The following ILDR1 variants were observed in gnomAD, a reference collection of about 807,000 sequenced individuals.
The protein encoded by ILDR1 is immunoglobulin-like domain-containing receptor 1.
A neutral mutation model predicts 62.4 loss-of-function variants in ILDR1; 56 were observed. The ratio of observed to expected loss-of-function variants is 0.90; its 90% CI spans 0.72 to 1.12. The LOEUF (loss-of-function observed/expected upper bound fraction) is 1.12. Among genes scored for constraint, ILDR1 ranks in the 50% most tolerant of loss-of-function variants. The pLI is 0.00. For synonymous variants in ILDR1, 284 were observed against 277.8 expected (o/e 1.02, Z -0.22); for missense variants, 736 against 710.6 (o/e 1.04, Z -0.41).
intron 1 of ILDR1, among the ~76,000 whole-genome samples, chr3:122,011,126 C>T (rs183211897): frequency 5.3e-5 from 8 of 152,276 alleles, no homozygotes; most frequent in Admixed American, 5.2e-4. Flanking sequence ...CTGGTGCAGT[C>T]ACTCTGACAC....
intron 1 of ILDR1, among the ~76,000 whole-genome samples, chr3:122,018,534 AAAACAAAC>A (rs1168969360): frequency 3.3e-5 from 5 of 152,146 alleles, no homozygotes; most frequent in African/African-American, 4.8e-5. Flanking sequence ...CAGTATAATT[AAAACAAAC>A]AAACAAACAA....
Position 122,005,368 on chromosome 3 carries a change from G to A in ILDR1, c.255C>T (p.Gly85=), listed in dbSNP as rs1553744679. Reference sequence around the variant, plus strand: ...CGTTGCAGTCATTGGATGGGTCCTGGCCCAGGGATAAAGCTGCCTGGTATG... The same window carrying A: ...CGTTGCAGTCATTGGATGGGTCCTGACCCAGGGATAAAGCTGCCTGGTATG... ...SASYQAALSL[G]QDPSNDCNDN... Residue 85 remains glycine (G), a synonymous_variant, in exon 3 of 8, where the codon GGC becomes GGT. Coordinates refer to ENST00000344209, the MANE Select transcript of ILDR1 (RefSeq NM_001199799.2). 4.3e-6 allele frequency: 7 copies of A among 1,614,178 alleles called. No homozygotes were observed. The highest frequency in any genetic ancestry group is 5.9e-6 in the Non-Finnish European group (7 of 1,180,034).
Position 121,994,188 on chromosome 3 carries a change from G to A in ILDR1, c.772C>T (p.Gln258Ter), listed in dbSNP as rs142746163. 1.8e-4 allele frequency: 269 copies of A among 1,536,100 alleles called. 2 individuals carry two copies. In the East Asian group the frequency reaches 5.7e-3, roughly 33 times the overall value. Residue 258 changes from glutamine to a stop codon, truncating the protein, a stop_gained, in exon 6 of 8, where the codon CAG (glutamine) becomes TAG (stop). Transcript: ENST00000344209. LOFTEE classifies it high-confidence loss of function. ...AATCTCTGGAAGAGTTTACCTCGCT[G>A]CAGCAGCGGGTGCATTGGATAAGAT... Reference protein sequence around the residue: ...VSSYPMHPLLQRDLSLPSSLP... With the variant: ...VSSYPMHPLL
intron 1 of ILDR1, among the ~76,000 whole-genome samples, chr3:122,010,698 T>C (rs532704167): frequency 1.3e-5 from 2 of 152,318 alleles, no homozygotes; most frequent in South Asian, 2.1e-4. Flanking sequence ...ATCTGAATAG[T>C]AGAAGCAGCC....
In ILDR1 at chr3:122,006,977, G is replaced by A. The variant is rs768815404; in HGVS notation, c.229+14C>T. 6.2e-7 allele frequency: 1 copy of A among 1,609,658 alleles called. No individual in the cohort carries two copies. The highest frequency in any genetic ancestry group is 1.3e-5 in the African/African-American group (1 of 74,800). ...CTGGGACCCACAGAGGGCCAAGGGG[G>A]TAAGGATACTCACACGCTGAGTAGT... On this transcript the variant is annotated intron_variant, in intron 2 of 7. Coordinates refer to ENST00000344209, the MANE Select transcript of ILDR1 (RefSeq NM_001199799.2).
chr3:122,055,918 A>C, the ILDR1 span, among the ~76,000 whole-genome samples: 8 of 152,154 alleles, frequency 5.3e-5, no homozygotes, highest in Non-Finnish European at 1.2e-4. Context: ...CAAGAAAAAG[A>C]AAGAGAAAAA....
chr3:122,002,525 C>G (rs535967098), intron 3 of ILDR1, among the ~76,000 whole-genome samples: 9 of 152,258 alleles, frequency 5.9e-5, no homozygotes, highest in African/African-American at 2.2e-4. Flanking sequence ...AAATGTAACT[C>G]AAGAAGAGTT....
At chr3:122,047,355 G>T in the ILDR1 span, among the ~76,000 whole-genome samples, 1 of 152,242 alleles carries the variant, frequency 6.6e-6, no homozygotes, top group Non-Finnish European at 1.5e-5. Flanking sequence ...GTCTGCAGAG[G>T]TTACTGCTGT....
upstream of ILDR1, among the ~76,000 whole-genome samples, chr3:122,024,045 G>A (rs2071900724): frequency 6.6e-6 from 1 of 151,312 alleles, no homozygotes; most frequent in African/African-American, 2.4e-5. Flanking sequence ...CCCCGCTTTG[G>A]TATAAAGGCC....
At chr3:121,989,583 G>C (rs566574627) in intron 7 of ILDR1, among the ~76,000 whole-genome samples, 1 of 152,210 alleles carries the variant, frequency 6.6e-6, no homozygotes, top group Non-Finnish European at 1.5e-5. Context: ...TAATTCATTG[G>C]AAGGAGTCCA....
chr3:122,045,566 G>A, the ILDR1 span, among the ~76,000 whole-genome samples: 1 of 149,080 alleles, frequency 6.7e-6, no homozygotes, highest in Admixed American at 6.7e-5. Flanking sequence ...TCTCTTTGTA[G>A]GTCACTCAGG....
chr3:122,003,087 G>T (rs2071552470), intron 3 of ILDR1, among the ~76,000 whole-genome samples: 1 of 152,164 alleles, frequency 6.6e-6, no homozygotes. Context: ...TCCTGAAAGG[G>T]TTTAAAATCC....
the ILDR1 span, among the ~76,000 whole-genome samples, chr3:122,061,305 T>C: frequency 0.017 from 2,643 of 152,314 alleles, 78 homozygotes; most frequent in African/African-American, 0.06. Context: ...GGTACTGTGA[T>C]GAATACAAAT....
chr3:122,008,891 C>T (rs2071659609), intron 1 of ILDR1, among the ~76,000 whole-genome samples: 1 of 151,934 alleles, frequency 6.6e-6, no homozygotes, highest in African/African-American at 2.4e-5. Flanking sequence ...CTGCGCCCGG[C>T]CTGAGCCACT....
chr3:122,042,579 T>C, the ILDR1 span, among the ~76,000 whole-genome samples: 2 of 149,890 alleles, frequency 1.3e-5, no homozygotes, highest in African/African-American at 2.5e-5. Context: ...CCAGCACCTG[T>C]TGTTTCCTGA....
At chr3:122,009,846 C>A (rs1375254901) in intron 1 of ILDR1, among the ~76,000 whole-genome samples, 1 of 152,242 alleles carries the variant, frequency 6.6e-6, no homozygotes, top group East Asian at 1.9e-4. Flanking sequence ...TAGGCACCTG[C>A]ATCTGGGTTT....
Position 121,988,252 on chromosome 3 carries a change from A to C in ILDR1, c.*115T>G. ...TCTTCTATTTGATTCTCAGAATCTA[A>C]GCCAAAAACTGTTAGACTCAGACTT... On this transcript the variant is annotated 3_prime_UTR_variant, in exon 8 of 8. Coordinates refer to ENST00000344209, the MANE Select transcript of ILDR1 (RefSeq NM_001199799.2). 1 of 864,020 alleles carries C rather than the reference A, an allele frequency of 1.2e-6. No individual in the cohort carries two copies. The allele number at this position is 864,020 out of a possible 1,614,324, so 53.5% of individuals were successfully genotyped here.
chr3:122,048,310 T>C, the ILDR1 span, among the ~76,000 whole-genome samples: 1 of 152,232 alleles, frequency 6.6e-6, no homozygotes, highest in Non-Finnish European at 1.5e-5. Context: ...TATAATCCTT[T>C]TAATGTACTA....
At chr3:122,023,441 C>T (rs1168546941), upstream of ILDR1, among the ~76,000 whole-genome samples, 1 of 152,148 alleles carries the variant, frequency 6.6e-6, no homozygotes, top group Non-Finnish European at 1.5e-5. Flanking sequence ...TCATTAAACA[C>T]AGTTTCAGGA....
Sources: gnomAD v4.1 joint callset for allele counts (sites outside exome capture counted in the v4.1 genomes callset) on GRCh38, gnomAD v4.1.1 for gene constraint, MANE v1.5 for transcripts, NCBI Gene and HGNC (gene_info 2026-07-23, HGNC 2026-07-21) for gene names.